PPP2R1A: variants seen among roughly 807,000 people sequenced by gnomAD.
The protein encoded by PPP2R1A is protein phosphatase 2 scaffold subunit Aalpha, also known as serine/threonine-protein phosphatase 2A 65 kDa regulatory subunit A alpha isoform.
In PPP2R1A, 15 loss-of-function variants were observed where a neutral mutation model predicts 67.1. The ratio of observed to expected loss-of-function variants is 0.22; its 90% CI spans 0.15 to 0.34. PPP2R1A has a LOEUF of 0.34. Among genes scored for constraint, PPP2R1A ranks in the 10% least tolerant of loss-of-function variants. PPP2R1A has a pLI of 1.00. For missense variants in PPP2R1A, 369 were observed against 775.0 expected (o/e 0.48, Z 6.22); for synonymous variants, 337 against 325.0 (o/e 1.04, Z -0.40).
chr19:52,216,145 T>A lies in PPP2R1A; in HGVS notation c.993+71T>A. ...CAAAAAGAGGGGCTGGAGACAAGGCTTTGGGGATAGTCAGCTGCAAACTAG... is the reference window on the plus strand; with the variant it reads ...CAAAAAGAGGGGCTGGAGACAAGGCATTGGGGATAGTCAGCTGCAAACTAG... On this transcript the variant is annotated intron_variant, in intron 8 of 14. Coordinates refer to ENST00000322088, the MANE Select transcript of PPP2R1A (RefSeq NM_014225.6). The surrounding 1 kb of genome is among the most constrained non-coding windows in gnomAD (Gnocchi z 4.3). The A allele has an allele frequency of 2.0e-6, 3 of 1,525,354 alleles. No homozygotes were observed. The highest frequency in any genetic ancestry group is 1.8e-6 in the Non-Finnish European group (2 of 1,102,444). 94.5% of individuals were successfully genotyped at this position (1,525,354 alleles called of 1,614,324 possible).
Position 52,216,403 on chromosome 19 carries a change from C to T in PPP2R1A, c.994-126C>T, listed in dbSNP as rs1978574660. The T allele has an allele frequency of 1.6e-6, 2 of 1,272,718 alleles. No homozygotes were observed. The highest frequency in any genetic ancestry group is 2.5e-5 in the East Asian group (1 of 39,986). The allele number at this position is 1,272,718 out of a possible 1,614,324, so 78.8% of individuals were successfully genotyped here. A position where few individuals can be genotyped will look rare whatever the true frequency, so the allele number is the denominator to read the frequency against. On this transcript the variant is annotated intron_variant, in intron 8 of 14. Transcript: ENST00000322088. This position sits in a 1 kb window ranked among gnomAD's most constrained non-coding sequence, Gnocchi z 4.3. ...TAGTGATTTCCCCTGTACCCTAAGC[C>T]ATCCCCTGCTCTATGAATGAGAGGG...
intron 2 of PPP2R1A, among the ~76,000 whole-genome samples, chr19:52,205,262 GA>G (rs112561578): frequency 0.014 from 2,132 of 152,326 alleles, 48 homozygotes; most frequent in African/African-American, 0.049. Flanking sequence ...GAGCTTAAGA[GA>G]GAGGCCTTTG....
chr19:52,214,295 G>A (rs1034774296), intron 6 of PPP2R1A, among the ~76,000 whole-genome samples: 2 of 152,146 alleles, frequency 1.3e-5, no homozygotes, highest in African/African-American at 4.8e-5. Context: ...GAGGCCTTGA[G>A]TGCCACTCCA....
chr19:52,205,930 G>A, intron 2 of PPP2R1A, 33 bp from the exon 3 acceptor site: 1 of 1,568,156 alleles, frequency 6.4e-7, no homozygotes, highest in Non-Finnish European at 8.8e-7. Flanking sequence ...GAGTTGAGAT[G>A]GGATAGTCAC....
chr19:52,219,750 C>T lies in PPP2R1A; in HGVS notation c.1188C>T (p.Gly396=), dbSNP rs2122360327. 2 of 1,614,082 alleles carry T rather than the reference C, an allele frequency of 1.2e-6. No homozygotes were observed. The highest frequency in any genetic ancestry group is 8.5e-7 in the Non-Finnish European group (1 of 1,180,018). ...TGGACTGTGTGAACGAGGTGATTGG[C>T]ATCCGGCAGCTGTCCCAGTCCCTGC... The part of the protein sequence containing the change: ...SNLDCVNEVI[G]IRQLSQSLLP... The change falls in exon 10 of 15, where the codon GGC becomes GGT. Residue 396 remains glycine, a synonymous_variant. Coordinates refer to ENST00000322088, the MANE Select transcript of PPP2R1A (RefSeq NM_014225.6). The surrounding 1 kb of genome is among the most constrained non-coding windows in gnomAD (Gnocchi z 4.0).
intron 11 of PPP2R1A, 109 bp from the exon 12 acceptor site, chr19:52,220,863 ATGCAGCC>A: frequency 7.9e-7 from 1 of 1,260,038 alleles, no homozygotes; most frequent in Admixed American, 2.0e-5. Context: ...TTTGGCTCAC[ATGCAGCC>A]TGGCACCTAG....
intron 1 of PPP2R1A, among the ~76,000 whole-genome samples, chr19:52,191,992 A>G (rs976885225): frequency 3.9e-5 from 6 of 152,120 alleles, no homozygotes; most frequent in African/African-American, 1.5e-4. Flanking sequence ...TTTATTTTGT[A>G]GTGAGGAGAG....
At chr19:52,220,779 G>A (rs934771751) in intron 11 of PPP2R1A, among the ~76,000 whole-genome samples, 200 bp from the exon 12 acceptor site, 1 of 152,078 alleles carries the variant, frequency 6.6e-6, no homozygotes, top group African/African-American at 2.4e-5. Flanking sequence ...CCTACCTCTT[G>A]GAGTGGTTGA....
intron 1 of PPP2R1A, among the ~76,000 whole-genome samples, chr19:52,193,099 C>T (rs1568584353): frequency 1.3e-5 from 2 of 152,236 alleles, no homozygotes; most frequent in Admixed American, 6.5e-5. Context: ...TTACTGAATT[C>T]TCACAATCAC....
chr19:52,190,633 G>A (rs958941988), intron 1 of PPP2R1A, among the ~76,000 whole-genome samples: 19 of 152,198 alleles, frequency 1.2e-4, no homozygotes, highest in African/African-American at 4.6e-4. Flanking sequence ...GCCAAGTGGG[G>A]ACCGAGAGGC....
Sources: gnomAD v4.1 joint callset for allele counts (sites outside exome capture counted in the v4.1 genomes callset) on GRCh38, gnomAD v4.1.1 for gene constraint, Gnocchi (gnomAD v3.1) non-coding constraint, MANE v1.5 for transcripts, NCBI Gene and HGNC (gene_info 2026-07-23, HGNC 2026-07-21) for gene names.